The following SLC30A7 variants were observed in gnomAD, a reference collection of about 807,000 sequenced individuals.
SLC30A7 encodes solute carrier family 30 member 7, also known as zinc transporter 7.
In SLC30A7, 35 loss-of-function variants were observed where a neutral mutation model predicts 46.0. That is an observed-to-expected ratio of 0.76 (90% CI 0.58 to 1.01). The LOEUF is 1.01. Among genes scored for constraint, SLC30A7 ranks in the 50% least tolerant of loss-of-function variants. The pLI, the probability that SLC30A7 is intolerant of heterozygous loss-of-function variation, is 0.00. For synonymous variants in SLC30A7, 147 were observed against 157.8 expected (o/e 0.93, Z 0.51); for missense variants, 464 against 451.1 (o/e 1.03, Z -0.26).
Position 100,966,296 on chromosome 1 carries a change from A to G in SLC30A7, c.1083+378A>G, listed in dbSNP as rs115744062. Among the ~76,000 whole-genome samples the G allele has an allele frequency of 4.5e-3, 679 of 151,856 alleles. 7 individuals carry two copies. Among genetic ancestry groups the G allele is most frequent in the African/African-American group, 0.015 (636 of 41,402 alleles). ...AACTATAAGGTAAGCATAAAACCAC[A>G]TTTTTGGCTGGGTGCGGTGGCTCAC... On this transcript the variant is annotated intron_variant, in intron 10 of 10. Coordinates refer to ENST00000357650, the MANE Select transcript of SLC30A7 (RefSeq NM_133496.5).
In SLC30A7 at chr1:100,981,741, C is replaced by G. The variant is rs1656944460; in HGVS notation, c.*6884C>G. ...TATCAAAATTCTTTCAATAAAATTT[C>G]TATTTAAAAATCTCTACCTGAATTG... On this transcript the variant is annotated 3_prime_UTR_variant, in exon 11 of 11. Transcript: ENST00000357650. 1 of 152,138 alleles carries G rather than the reference C, an allele frequency of 6.6e-6. No homozygotes were observed. The highest frequency in any genetic ancestry group is 2.4e-5 in the African/African-American group (1 of 41,426). The allele number at this position is 152,138 out of a possible 1,614,324, so 9.4% of individuals were successfully genotyped here.
intron 10 of SLC30A7, among the ~76,000 whole-genome samples, chr1:100,969,911 C>G (rs919806680): frequency 2.6e-5 from 4 of 152,142 alleles, no homozygotes; most frequent in Non-Finnish European, 5.9e-5. Flanking sequence ...TTTTCCTTTT[C>G]TGCATATACC....
chr1:100,974,793 T>A lies in SLC30A7; in HGVS notation c.1084-17T>A. The A allele has an allele frequency of 6.4e-7, 1 of 1,571,906 alleles. No individual in the cohort carries two copies. The highest frequency in any genetic ancestry group is 8.7e-7 in the Non-Finnish European group (1 of 1,152,528). ...AGCTTGTTAGATTTTCTAACTTTTT[T>A]TTTTCTTACTTTTCAGGCTGGAGTG... On this transcript the variant is annotated splice_polypyrimidine_tract_variant and intron_variant, in intron 10 of 10. Transcript: ENST00000357650.
At chr1:100,971,909 A>G (rs1656184201) in intron 10 of SLC30A7, among the ~76,000 whole-genome samples, 1 of 152,178 alleles carries the variant, frequency 6.6e-6, no homozygotes, top group Admixed American at 6.6e-5. Context: ...CTACAACAAT[A>G]AATATGTATT....
chr1:100,901,654 G>A (rs1345826738), intron 2 of SLC30A7, among the ~76,000 whole-genome samples: 1 of 152,106 alleles, frequency 6.6e-6, no homozygotes, highest in Admixed American at 6.5e-5. Context: ...ATGTTGACCA[G>A]GCTGGTCTTG....
chr1:100,988,922 T>C, the SLC30A7 span, among the ~76,000 whole-genome samples: 4 of 152,122 alleles, frequency 2.6e-5, no homozygotes, highest in Middle Eastern at 0.014. Context: ...AAATATTTCT[T>C]ATCTCAAATG....
chr1:100,960,947 G>GTTTTTTTT (rs11354218), intron 8 of SLC30A7, among the ~76,000 whole-genome samples: 1 of 86,324 alleles, frequency 1.2e-5, no homozygotes, highest in Non-Finnish European at 2.2e-5. Context: ...TGTTTTGTGT[G>GTTTTTTTT]TTTTTTTTTT....
At chr1:100,925,268 G>A (rs1007148188) in intron 8 of SLC30A7, among the ~76,000 whole-genome samples, 30 of 152,264 alleles carry the variant, frequency 2.0e-4, no homozygotes, top group Admixed American at 2.6e-4. Context: ...AGCATAGGGA[G>A]TAAGAGGAGA....
At chr1:100,915,252 TCTTC>T (rs1224174158) in intron 6 of SLC30A7, among the ~76,000 whole-genome samples, 27 of 141,184 alleles carry the variant, frequency 1.9e-4, no homozygotes, top group East Asian at 2.0e-4. Flanking sequence ...TTTCTTTCTT[TCTTC>T]CTTTCTTTCT....
chr1:100,987,643 C>G, the SLC30A7 span, among the ~76,000 whole-genome samples: 1 of 149,038 alleles, frequency 6.7e-6, no homozygotes, highest in Non-Finnish European at 1.5e-5. Context: ...AGTTTATGTT[C>G]GGATTTTTTT....
intron 8 of SLC30A7, chr1:100,941,502 T>G (rs546689882): frequency 1.0e-4 from 53 of 513,358 alleles, no homozygotes; most frequent in Non-Finnish European, 1.9e-4. Flanking sequence ...TCCACAGTCA[T>G]GCTTACAAAG....
At chr1:100,924,676 A>G (rs1653173406) in intron 8 of SLC30A7, among the ~76,000 whole-genome samples, 1 of 150,088 alleles carries the variant, frequency 6.7e-6, no homozygotes, top group Non-Finnish European at 1.5e-5. Context: ...CCAAAAAAAA[A>G]AAAGAAAAAA....
chr1:100,957,461 C>T (rs564919460), intron 8 of SLC30A7, among the ~76,000 whole-genome samples: 1 of 152,064 alleles, frequency 6.6e-6, no homozygotes, highest in African/African-American at 2.4e-5. Context: ...ATAGTTTAAC[C>T]ACTTTTTCTT....
At chr1:100,944,787 A>T (rs753804565) in intron 8 of SLC30A7, among the ~76,000 whole-genome samples, 1 of 152,020 alleles carries the variant, frequency 6.6e-6, no homozygotes, top group Non-Finnish European at 1.5e-5. Flanking sequence ...GTGTCTTTAT[A>T]GTAGCATGAT....
At chr1:100,904,178 C>T (rs1400980600) in intron 2 of SLC30A7, among the ~76,000 whole-genome samples, 1 of 152,124 alleles carries the variant, frequency 6.6e-6, no homozygotes, top group Non-Finnish European at 1.5e-5. Context: ...GGGATTTGAA[C>T]CCAGGTACTC....
At chr1:100,901,973 T>C (rs1651337000) in intron 2 of SLC30A7, among the ~76,000 whole-genome samples, 1 of 308 alleles carries the variant, frequency 3.2e-3, no homozygotes, top group Non-Finnish European at 5.2e-3. Flanking sequence ...AGTTTAAATT[T>C]ATAGTTTAAA....
chr1:100,912,039 T>A, intron 4 of SLC30A7, 73 bp from the exon 5 acceptor site: 1 of 1,357,112 alleles, frequency 7.4e-7, no homozygotes, highest in Non-Finnish European at 1.0e-6. Flanking sequence ...TGTTTAATGT[T>A]GTCTTATGAT....
chr1:100,993,993 C>T, the SLC30A7 span, among the ~76,000 whole-genome samples: 2 of 152,012 alleles, frequency 1.3e-5, no homozygotes, highest in African/African-American at 2.4e-5. Context: ...CCACCTGCCT[C>T]GGCCTCCCAA....
the SLC30A7 span, among the ~76,000 whole-genome samples, chr1:100,993,060 G>A: frequency 1.3e-3 from 200 of 152,258 alleles, no homozygotes; most frequent in African/African-American, 4.5e-3. Flanking sequence ...TGGCAATTTG[G>A]TCTATACTCT....
Sources: gnomAD v4.1 joint callset for allele counts (sites outside exome capture counted in the v4.1 genomes callset) on GRCh38, gnomAD v4.1.1 for gene constraint, MANE v1.5 for transcripts, NCBI Gene and HGNC (gene_info 2026-07-23, HGNC 2026-07-21) for gene names.